Variants in GTF2A1L observed in about 807,000 individuals in gnomAD.
GTF2A1L encodes the protein general transcription factor IIA subunit 1 like.
A neutral mutation model predicts 49.7 loss-of-function variants in GTF2A1L; 48 were observed. The ratio of observed to expected loss-of-function variants is 0.97; its 90% CI spans 0.77 to 1.23. The LOEUF (loss-of-function observed/expected upper bound fraction) is 1.23, where lower values mean the gene tolerates loss of function less well. Among genes scored for constraint, GTF2A1L ranks in the 50% most tolerant of loss-of-function variants. The pLI is 0.00. For synonymous variants in GTF2A1L, 246 were observed against 193.5 expected (o/e 1.27, Z -2.25); for missense variants, 736 against 564.8 (o/e 1.30, Z -3.07).
chr2:48,676,218 A>G (rs1457547559), intron 8 of GTF2A1L, among the ~76,000 whole-genome samples: 2 of 151,922 alleles, frequency 1.3e-5, no homozygotes, highest in African/African-American at 2.4e-5. Flanking sequence ...TAATGGCTGT[A>G]TAATATCCTA....
intron 6 of GTF2A1L, among the ~76,000 whole-genome samples, chr2:48,656,193 A>G (rs762153257): frequency 1.3e-5 from 2 of 152,142 alleles, no homozygotes; most frequent in Non-Finnish European, 2.9e-5. Flanking sequence ...TCGGATATAT[A>G]TGGAGAAATG....
chr2:48,634,950 G>T (rs1204081325), intron 3 of GTF2A1L, among the ~76,000 whole-genome samples: 1 of 152,230 alleles, frequency 6.6e-6, no homozygotes, highest in Non-Finnish European at 1.5e-5. Context: ...AGCTGAGGGA[G>T]AATCCAGTGG....
At position 48,647,022 on chromosome 2, in the gene GTF2A1L, A is replaced by G; in HGVS notation, c.958A>G (p.Asn320Asp). The change falls in exon 6 of 9, where the codon AAC becomes GAC. Residue 320 changes from asparagine to aspartate, a missense_variant. Physicochemically the swap from Asn to Asp is conservative, Grantham distance 23. Coordinates refer to ENST00000403751, the MANE Select transcript of GTF2A1L (RefSeq NM_006872.5). The part of the protein sequence containing the change: ...KQPRNIEEPS[N>D]IPVSEKDSNS... The stretch of plus-strand genomic sequence containing the variant: ...ACCAAGAAATATAGAGGAACCCAGC[A>G]ACATACCTGTATCAGAGAAGGTATA... 1 of 1,610,488 alleles carries G rather than the reference A, an allele frequency of 6.2e-7. No homozygotes were observed. The highest frequency in any genetic ancestry group is 8.5e-7 in the Non-Finnish European group (1 of 1,178,410).
intron 8 of GTF2A1L, among the ~76,000 whole-genome samples, chr2:48,676,669 T>G (rs999802613): frequency 2.4e-4 from 37 of 151,796 alleles, no homozygotes; most frequent in African/African-American, 8.7e-4. Flanking sequence ...CATTGCTTTT[T>G]CTTTTCAATA....
At chr2:48,642,351 A>AT in intron 3 of GTF2A1L, 51 bp from the exon 4 acceptor site, 2 of 1,463,030 alleles carry the variant, frequency 1.4e-6, no homozygotes, top group South Asian at 3.0e-5. Context: ...TAGTGATTTT[A>AT]TTAAATTGGT....
At chr2:48,621,105 G>C (rs2104056017) in intron 2 of GTF2A1L, 62 bp from the exon 3 acceptor site, 1 of 1,543,774 alleles carries the variant, frequency 6.5e-7, no homozygotes, top group East Asian at 2.4e-5. Context: ...CTGAAAAAAA[G>C]AGAAGTATCA....
At chr2:48,657,893 T>A (rs755099876) in intron 6 of GTF2A1L, among the ~76,000 whole-genome samples, 32 of 152,212 alleles carry the variant, frequency 2.1e-4, no homozygotes, top group Non-Finnish European at 4.1e-4. Context: ...GTTGGCTGCT[T>A]CTATATCTTC....
chr2:48,643,662 C>T (rs1378643787), intron 4 of GTF2A1L, among the ~76,000 whole-genome samples: 1 of 150,420 alleles, frequency 6.6e-6, no homozygotes, highest in Non-Finnish European at 1.5e-5. Context: ...GACTGAGGTA[C>T]TGGGCACCAT....
intron 4 of GTF2A1L, 135 bp downstream of exon 4, chr2:48,642,592 C>T (rs142789844): frequency 0.023 from 16,978 of 734,190 alleles, 277 homozygotes; most frequent in South Asian, 0.03. Context: ...CGGTGGCTCA[C>T]GCCTGTAATT....
chr2:48,644,453 T>A (rs1485207131), intron 4 of GTF2A1L, among the ~76,000 whole-genome samples: 1 of 152,220 alleles, frequency 6.6e-6, no homozygotes, highest in African/African-American at 2.4e-5. Flanking sequence ...TTGGTGAACA[T>A]TTAAATTATT....
chr2:48,657,063 T>C (rs1393007838), intron 6 of GTF2A1L, among the ~76,000 whole-genome samples: 1 of 152,228 alleles, frequency 6.6e-6, no homozygotes, highest in African/African-American at 2.4e-5. Context: ...TATACATTAA[T>C]AACACACTGG....
chr2:48,621,104 A>T (rs1407166533), intron 2 of GTF2A1L, 63 bp from the exon 3 acceptor site: 3 of 1,542,854 alleles, frequency 1.9e-6, no homozygotes, highest in Non-Finnish European at 2.6e-6. Flanking sequence ...ACTGAAAAAA[A>T]GAGAAGTATC....
Position 48,679,344 on chromosome 2 carries a change from A to G in GTF2A1L, c.1339A>G (p.Ser447Gly). The change falls in exon 9 of 9, where the codon AGC becomes GGC. Residue 447 changes from serine (S) to glycine (G), a missense_variant. By Grantham distance (56) the Ser-to-Gly change is moderately conservative (BLOSUM62 0). Coordinates refer to ENST00000403751, the MANE Select transcript of GTF2A1L (RefSeq NM_006872.5). ...IVCQYDKIHR[S>G]KNKWKFYLKD... ...ACTTTTCTCCCTCCAGATTCATCGA[A>G]GCAAGAACAAATGGAAATTCTATTT... The G allele has an allele frequency of 6.2e-7, 1 of 1,609,382 alleles. No individual in the cohort carries two copies. The highest frequency in any genetic ancestry group is 8.5e-7 in the Non-Finnish European group (1 of 1,178,388).
intron 3 of GTF2A1L, among the ~76,000 whole-genome samples, chr2:48,631,997 T>C (rs1676604528): frequency 6.6e-6 from 1 of 152,194 alleles, no homozygotes; most frequent in Non-Finnish European, 1.5e-5. Flanking sequence ...TTTGTTTTTG[T>C]TTTTGTTGTT....
intron 7 of GTF2A1L, among the ~76,000 whole-genome samples, chr2:48,671,161 C>T (rs1028816564): frequency 4.0e-5 from 6 of 151,804 alleles, no homozygotes; most frequent in Admixed American, 2.0e-4. Flanking sequence ...ACTTTTAGTA[C>T]AATTATATTC....
intron 6 of GTF2A1L, among the ~76,000 whole-genome samples, chr2:48,653,297 A>G (rs1034463754): frequency 2.0e-5 from 3 of 151,932 alleles, no homozygotes; most frequent in Admixed American, 6.6e-5. Flanking sequence ...TTCATCTTTT[A>G]AAAGGTAGCT....
chr2:48,660,987 G>A (rs1230440358), intron 6 of GTF2A1L, among the ~76,000 whole-genome samples: 1 of 151,992 alleles, frequency 6.6e-6, no homozygotes, highest in Non-Finnish European at 1.5e-5. Context: ...TATCAGTCTA[G>A]TTATAAAGGT....
chr2:48,653,765 T>G (rs1678001616), intron 6 of GTF2A1L, among the ~76,000 whole-genome samples: 1 of 151,872 alleles, frequency 6.6e-6, no homozygotes, highest in South Asian at 2.1e-4. Context: ...AAACCCCATC[T>G]CTACTAAAAA....
intron 3 of GTF2A1L, among the ~76,000 whole-genome samples, 179 bp from the exon 4 acceptor site, chr2:48,642,223 G>A (rs1677235036): frequency 1.3e-5 from 2 of 152,138 alleles, no homozygotes; most frequent in Admixed American, 6.5e-5. Context: ...AAGTCTTTAT[G>A]TGAAGTTGTT....
Sources: gnomAD v4.1 joint callset for allele counts (sites outside exome capture counted in the v4.1 genomes callset) on GRCh38, gnomAD v4.1.1 for gene constraint, MANE v1.5 for transcripts, NCBI Gene and HGNC (gene_info 2026-07-23, HGNC 2026-07-21) for gene names.